The following CARD10 variants were observed in gnomAD, a reference collection of about 807,000 sequenced individuals.
The protein encoded by CARD10 is caspase recruitment domain family member 10.
In CARD10, 49 loss-of-function variants were observed where a neutral mutation model predicts 114.6. The observed-to-expected ratio is 0.43, with a 90% confidence interval of 0.34 to 0.54. The LOEUF is 0.54. Among genes scored for constraint, CARD10 ranks in the 20% least tolerant of loss-of-function variants. The pLI is 0.03. For missense variants in CARD10, 1,206 were observed against 1,397.2 expected, an observed-to-expected ratio of 0.86 and a Z score of 2.18; for synonymous variants, 602 against 593.2, an observed-to-expected ratio of 1.01 and a Z score of -0.21.
In CARD10 at chr22:37,503,167, G is replaced by A. The variant is rs751540302; in HGVS notation, c.1663+18C>T. On this transcript the variant is annotated intron_variant, in intron 10 of 19. Transcript: ENST00000251973. ...CCCGACCAGAGGAGCCCTCCCCACG[G>A]AACTCAAGGGCTGTTACCTGTGATG... 6.2e-7 allele frequency: 1 copy of A among 1,610,202 alleles called. No individual in the cohort carries two copies. Among genetic ancestry groups the A allele is most frequent in the Non-Finnish European group, 8.5e-7 (1 of 1,178,438 alleles).
At chr22:37,513,313 C>T (rs1291408399) in intron 3 of CARD10, among the ~76,000 whole-genome samples, 5 of 151,954 alleles carry the variant, frequency 3.3e-5, no homozygotes, top group Non-Finnish European at 7.4e-5. Flanking sequence ...GGTTTCACCA[C>T]GTTAGCCGGG....
Position 37,508,669 on chromosome 22 carries a change from G to C in CARD10, c.923C>G (p.Pro308Arg), listed in dbSNP as rs201477949. 5 of 1,565,690 alleles carry C rather than the reference G, an allele frequency of 3.2e-6. No individual in the cohort carries two copies. The highest frequency in any genetic ancestry group is 1.2e-5 in the South Asian group (1 of 86,114). Residue 308 changes from proline (P) to arginine (R), a missense_variant, in exon 5 of 20, where the codon CCG (proline) becomes CGG (arginine). Coordinates refer to ENST00000251973, the MANE Select transcript of CARD10 (RefSeq NM_014550.4). ...QEGLQQEASR[P>R]GAPGSERILL... The stretch of plus-strand genomic sequence containing the variant: ...GATGCGCTCGGAGCCCGGGGCCCCC[G>C]GCCGGCTCGCCTCCTGGGGATCACA...
intron 3 of CARD10, among the ~76,000 whole-genome samples, chr22:37,514,196 G>A (rs1358241935): frequency 6.6e-6 from 1 of 152,068 alleles, no homozygotes; most frequent in East Asian, 1.9e-4. Flanking sequence ...CTCTAGAAAT[G>A]GGGAAGATAG....
chr22:37,491,425 TG>T, intron 19 of CARD10, 32 bp from the exon 20 acceptor site: 1 of 1,413,856 alleles, frequency 7.1e-7, no homozygotes. Context: ...GCGGTCAAAG[TG>T]GGGGACCAAG....
intron 4 of CARD10, chr22:37,508,922 T>C: frequency 6.9e-7 from 1 of 1,442,618 alleles, no homozygotes; most frequent in Admixed American, 2.0e-5. Context: ...ATAAGCTAAG[T>C]GGAGAAGGGT....
chr22:37,502,631 A>G lies in CARD10; in HGVS notation c.1758T>C (p.Ala586=), dbSNP rs1408437283. 6.2e-6 allele frequency: 10 copies of G among 1,613,936 alleles called. No homozygotes were observed. Among genetic ancestry groups the G allele is most frequent in the African/African-American group, 1.3e-5 (1 of 75,052 alleles). ...WPLGKPEGLL[A]RGCGLDFLNR... is the part of the protein sequence containing the mutation. ...TGAGGAAGTCCAGGCCACAGCCCCG[A>G]GCCAGGAGGCCTTCCGGCTTTCCCA... Residue 586 remains alanine, a synonymous_variant, in exon 11 of 20, where the codon GCT becomes GCC. Transcript: ENST00000251973.
At chr22:37,494,036 C>T (rs1922900625) in intron 16 of CARD10, 50 bp downstream of exon 16, 2 of 1,342,974 alleles carry the variant, frequency 1.5e-6, no homozygotes, top group Non-Finnish European at 2.1e-6. Flanking sequence ...TGCACACATC[C>T]CTGGACAATG....
At chr22:37,502,776 G>A (rs773691830) in intron 10 of CARD10, 51 bp from the exon 11 acceptor site, 8 of 1,589,058 alleles carry the variant, frequency 5.0e-6, no homozygotes, top group African/African-American at 2.7e-5. Flanking sequence ...AACAGGGATG[G>A]CCAGGGTCCA....
Position 37,491,023 on chromosome 22 carries a change from G to T in CARD10, c.*136C>A, listed in dbSNP as rs1189550117. ...GGCAGGGCCAGAGACAGCCTTGGGG[G>T]TGAGAGGCCAGAGCCAAGGGCCCTG... On this transcript the variant is annotated 3_prime_UTR_variant, in exon 20 of 20. Transcript: ENST00000251973. 2.9e-6 allele frequency: 2 copies of T among 698,024 alleles called. No individual in the cohort carries two copies. The highest frequency in any genetic ancestry group is 1.8e-5 in the African/African-American group (1 of 56,328). 43.2% of individuals were successfully genotyped at this position (698,024 alleles called of 1,614,324 possible).
chr22:37,515,884 T>G, intron 3 of CARD10, 89 bp downstream of exon 3: 1 of 1,051,170 alleles, frequency 9.5e-7, no homozygotes, highest in Admixed American at 2.6e-5. Flanking sequence ...GAGCCAGCAA[T>G]GGTGGCTCTG....
Position 37,492,635 on chromosome 22 carries a change from T to C in CARD10, c.2635+9A>G, listed in dbSNP as rs777349583. ...CACCCAGCCTCCCCTCCCCGGCACA[T>C]AGTCTCACCCGCTGGGCACACTTGG... On this transcript the variant is annotated intron_variant, in intron 17 of 19. Transcript: ENST00000251973. The surrounding 1 kb of genome is among the most constrained non-coding windows in gnomAD (Gnocchi z 5.7). The C allele has an allele frequency of 1.2e-5, 19 of 1,612,134 alleles. No homozygotes were observed. Among genetic ancestry groups the C allele is most frequent in the South Asian group, 7.7e-5 (7 of 91,020 alleles).
chr22:37,518,179 C>T, intron 1 of CARD10, 71 bp from the exon 2 acceptor site: 1 of 1,510,868 alleles, frequency 6.6e-7, no homozygotes, highest in Non-Finnish European at 9.1e-7. Flanking sequence ...TGCTTCTGCC[C>T]CCACCATGCT....
chr22:37,491,541 G>A lies in CARD10; in HGVS notation c.2865-148C>T, dbSNP rs573330552. On this transcript the variant is annotated intron_variant, in intron 19 of 19. Coordinates refer to ENST00000251973, the MANE Select transcript of CARD10 (RefSeq NM_014550.4). ...GATGGCAGATGGAGATGGAGAGAGA[G>A]AGACAGAGAAGGGGAGGGAGAGACG... The A allele has an allele frequency of 1.6e-3, 185 of 116,014 alleles. 3 individuals carry two copies. The highest frequency in any genetic ancestry group is 0.011 in the African/African-American group (140 of 12,946). The allele number at this position is 116,014 out of a possible 1,614,324, so 7.2% of individuals were successfully genotyped here. A position where few individuals can be genotyped will look rare whatever the true frequency, so the allele number is the denominator to read the frequency against.
chr22:37,499,872 C>T lies in CARD10; in HGVS notation c.1788-2694G>A, dbSNP rs537931120. 2.8e-4 allele frequency among the ~76,000 whole-genome samples: 42 copies of T among 152,142 alleles called. No individual in the cohort carries two copies. The East Asian group carries it at 7.0e-3, about 25-fold the overall frequency. On this transcript the variant is annotated intron_variant, in intron 11 of 19. Coordinates refer to ENST00000251973, the MANE Select transcript of CARD10 (RefSeq NM_014550.4). ...GCAGGGAGAGGGGCTGCCTGCTCCC[C>T]GCTCCTGGGACTGGCTGACCAGCTG...
chr22:37,502,020 T>C (rs1038508631), intron 11 of CARD10, among the ~76,000 whole-genome samples: 2 of 152,124 alleles, frequency 1.3e-5, no homozygotes, highest in Non-Finnish European at 2.9e-5. Flanking sequence ...ACCCCTCCCT[T>C]AGATACACTG....
At position 37,516,044 on chromosome 22, in the gene CARD10, C is replaced by T. The variant is rs1042147750; in HGVS notation, c.628G>A (p.Ala210Thr). ...LRLKDENYMI[A>T]MRLAQLSEEK... ...TCACTGAGCTGTGCCAGGCGCATGG[C>T]GATCATGTAGTTCTCATCCTTGAGC... Residue 210 changes from alanine (A) to threonine (T), a missense_variant, in exon 3 of 20, where the codon GCC becomes ACC. Ala to Thr is a moderately conservative substitution (Grantham distance 58, BLOSUM62 0). Transcript: ENST00000251973. The T allele has an allele frequency of 2.5e-6, 4 of 1,602,212 alleles. No homozygotes were observed. The highest frequency in any genetic ancestry group is 2.7e-5 in the African/African-American group (2 of 74,734).
At position 37,496,945 on chromosome 22, in the gene CARD10, C is replaced by G. The variant is rs890877215; in HGVS notation, c.1947+74G>C. The stretch of plus-strand genomic sequence containing the variant: ...GAAGCTCTGCCCGGTGATCTTGATC[C>G]ACCAAATTAAGGGATGTCCAGCCTG... On this transcript the variant is annotated intron_variant, in intron 12 of 19. Transcript: ENST00000251973. This position sits in a 1 kb window ranked among gnomAD's most constrained non-coding sequence, Gnocchi z 4.1. 7.5e-6 allele frequency: 11 copies of G among 1,475,456 alleles called. No homozygotes were observed. The African/African-American group carries it at 1.6e-4, about 22-fold the overall frequency. The allele number at this position is 1,475,456 out of a possible 1,614,324, so 91.4% of individuals were successfully genotyped here. A position where few individuals can be genotyped will look rare whatever the true frequency, so the allele number is the denominator to read the frequency against.
rs373517240 is a variant in CARD10, at chr22:37,518,124, G to T, written c.236-16C>A. ...ATCAGGCGCCCTACAGAGTAGTGGG[G>T]GGATGTACCCAGGGTCTAGGGGAAG... On this transcript the variant is annotated splice_polypyrimidine_tract_variant and intron_variant, in intron 1 of 19. Transcript: ENST00000251973. 1.9e-6 allele frequency: 3 copies of T among 1,611,762 alleles called. No homozygotes were observed. Among genetic ancestry groups the T allele is most frequent in the Admixed American group, 3.3e-5 (2 of 59,954 alleles).
intron 3 of CARD10, 40 bp downstream of exon 3, chr22:37,515,933 C>A: frequency 6.7e-7 from 1 of 1,485,814 alleles, no homozygotes; most frequent in Non-Finnish European, 9.1e-7. Context: ...CAAAAGCTGC[C>A]CCTTCCCTTG....
Sources: gnomAD v4.1 joint callset for allele counts (sites outside exome capture counted in the v4.1 genomes callset) on GRCh38, gnomAD v4.1.1 for gene constraint, Gnocchi (gnomAD v3.1) non-coding constraint, MANE v1.5 for transcripts, NCBI Gene and HGNC (gene_info 2026-07-23, HGNC 2026-07-21) for gene names.